Variants in ASH1L observed in about 807,000 individuals in gnomAD.
The protein encoded by ASH1L is histone-lysine N-methyltransferase ASH1L.
ASH1L carries 23 observed loss-of-function variants against 269.0 expected under a neutral mutation model. The ratio of observed to expected loss-of-function variants is 0.09; its 90% confidence interval spans 0.06 to 0.12. ASH1L has a LOEUF of 0.12. ASH1L is among the 10% of genes least tolerant of loss of function. The pLI is 1.00. For synonymous variants in ASH1L, 1,187 were observed against 1,253.5 expected (o/e 0.95, Z 1.12); for missense variants, 2,912 against 3,567.8 (o/e 0.82, Z 4.68).
At chr1:155,558,859 T>G (rs1378579837) in intron 1 of ASH1L, among the ~76,000 whole-genome samples, 1 of 151,074 alleles carries the variant, frequency 6.6e-6, no homozygotes, top group Admixed American at 6.6e-5. Context: ...TTCTTTTTTT[T>G]TTTTTTTTGA....
At chr1:155,417,200 G>A (rs1030079843) in intron 5 of ASH1L, among the ~76,000 whole-genome samples, 1 of 151,764 alleles carries the variant, frequency 6.6e-6, no homozygotes. Flanking sequence ...TTCCCAAAGG[G>A]TTGGGATTAC....
At chr1:155,406,272 T>C (rs113227727) in intron 6 of ASH1L, among the ~76,000 whole-genome samples, 3 of 151,332 alleles carry the variant, frequency 2.0e-5, no homozygotes, top group Non-Finnish European at 2.9e-5. Flanking sequence ...AGATTCCAGT[T>C]GCATTTTTTG....
intron 2 of ASH1L, among the ~76,000 whole-genome samples, chr1:155,511,631 G>A (rs185785371): frequency 6.6e-6 from 1 of 152,022 alleles, no homozygotes; most frequent in Admixed American, 6.6e-5. Flanking sequence ...TCAGCCTCCT[G>A]AGTCACTGGG....
intron 27 of ASH1L, 79 bp from the exon 28 acceptor site, chr1:155,337,830 C>T (rs1209256440): frequency 2.2e-6 from 3 of 1,354,574 alleles, no homozygotes; most frequent in Middle Eastern, 1.8e-4. Flanking sequence ...AAGGAGAGCA[C>T]ACGAACTCAA....
chr1:155,444,088 A>T (rs2148635607), intron 4 of ASH1L, among the ~76,000 whole-genome samples: 1 of 144,114 alleles, frequency 6.9e-6, no homozygotes, highest in East Asian at 2.1e-4. Context: ...GGTTCAAGTG[A>T]TTCTCCTGCC....
At chr1:155,431,201 T>C (rs983281448) in intron 5 of ASH1L, among the ~76,000 whole-genome samples, 4 of 151,444 alleles carry the variant, frequency 2.6e-5, no homozygotes, top group Non-Finnish European at 5.9e-5. Context: ...CAAGATGCCG[T>C]CTCAACAACA....
In ASH1L at chr1:155,482,192, G is replaced by C. The variant is rs1666006983; in HGVS notation, c.678C>G (p.Thr226=). The change falls in exon 3 of 28, where the codon ACC becomes ACG. Residue 226 remains threonine (T), a synonymous_variant. Transcript: ENST00000392403. ...VTEKLAQLIA[T]CPPSKSSKTK... ...TCTTGGAAGACTTGGAAGGAGGACAGGTAGCAATCAGCTGTGCCAACTTTT... is the reference window on the plus strand; with the variant it reads ...TCTTGGAAGACTTGGAAGGAGGACACGTAGCAATCAGCTGTGCCAACTTTT... 2 of 1,614,192 alleles carry C rather than the reference G, an allele frequency of 1.2e-6. No individual in the cohort carries two copies. The highest frequency in any genetic ancestry group is 1.3e-5 in the African/African-American group (1 of 75,064).
At chr1:155,421,612 A>T (rs1490050492) in intron 5 of ASH1L, among the ~76,000 whole-genome samples, 1 of 151,642 alleles carries the variant, frequency 6.6e-6, no homozygotes, top group Non-Finnish European at 1.5e-5. Flanking sequence ...CAGAGGTTGC[A>T]GTGAGCCGAG....
chr1:155,442,583 C>CAAAAA (rs1205815203), intron 4 of ASH1L, among the ~76,000 whole-genome samples: 1 of 33,660 alleles, frequency 3.0e-5, no homozygotes, highest in Admixed American at 3.1e-4. Context: ...GACTCCATCT[C>CAAAAA]AAAAAAAAAA....
At chr1:155,381,571 A>C (rs1032410014) in intron 7 of ASH1L, among the ~76,000 whole-genome samples, 7 of 150,256 alleles carry the variant, frequency 4.7e-5, no homozygotes, top group African/African-American at 1.7e-4. Flanking sequence ...AAAATCAAAC[A>C]AACAAAAAAA....
chr1:155,445,029 G>A (rs950511809), intron 4 of ASH1L, among the ~76,000 whole-genome samples: 5 of 151,884 alleles, frequency 3.3e-5, no homozygotes, highest in African/African-American at 7.3e-5. Flanking sequence ...TATTATTTCC[G>A]AAATTTCATA....
rs114675557 is a variant in ASH1L at position 155,548,189 on chromosome 1, G to A, written c.-100+13964C>T. On this transcript the variant is annotated intron_variant, in intron 1 of 27. Coordinates refer to ENST00000392403, the MANE Select transcript of ASH1L (RefSeq NM_018489.3). ...GTGGGTTGGGGGGCAAGGGGAGGGA[G>A]AACCTGAGGACGAGTAACTAACGCA... 9.7e-3 allele frequency among the ~76,000 whole-genome samples: 1,472 copies of A among 152,238 alleles called. 25 individuals are homozygous for A. Among genetic ancestry groups the A allele is most frequent in the African/African-American group, 0.032 (1,341 of 41,534 alleles).
intron 7 of ASH1L, among the ~76,000 whole-genome samples, chr1:155,389,261 G>A (rs1657704561): frequency 6.6e-6 from 1 of 152,024 alleles, no homozygotes; most frequent in Non-Finnish European, 1.5e-5. Flanking sequence ...GCCTCCCAAA[G>A]TGTTGGGATT....
chr1:155,374,583 G>A (rs1197191732), intron 10 of ASH1L, among the ~76,000 whole-genome samples: 21 of 152,202 alleles, frequency 1.4e-4, no homozygotes, highest in Admixed American at 1.2e-3. Flanking sequence ...TTACTCTTCC[G>A]TTTGCTGACT....
Position 155,562,334 on chromosome 1 carries a change from G to A in ASH1L, c.-281C>T, listed in dbSNP as rs1179074348. On this transcript the variant is annotated 5_prime_UTR_variant, in exon 1 of 28. Coordinates refer to ENST00000392403, the MANE Select transcript of ASH1L (RefSeq NM_018489.3). ...GAGAGAGGAGAAGGGAAAGGTGGAA[G>A]GCTAAAGGGGGCAAACTGAGGGGAG... 2.6e-6 allele frequency: 4 copies of A among 1,560,026 alleles called. No individual in the cohort carries two copies. Among genetic ancestry groups the A allele is most frequent in the South Asian group, 2.3e-5 (2 of 88,480 alleles).
Position 155,343,798 on chromosome 1 carries a change from T to C in ASH1L, c.7982-56A>G. On this transcript the variant is annotated intron_variant, in intron 22 of 27. Transcript: ENST00000392403. The surrounding 1 kb of genome is among the most constrained non-coding windows in gnomAD (Gnocchi z 6.1). ...AAAACAATTCTTGTATGAATTCTGTTAGGCATCTGTTTATCTGACTCAGGG... is the reference window on the plus strand; with the variant it reads ...AAAACAATTCTTGTATGAATTCTGTCAGGCATCTGTTTATCTGACTCAGGG... The C allele has an allele frequency of 6.3e-7, 1 of 1,593,242 alleles. No homozygotes were observed. Among genetic ancestry groups the C allele is most frequent in the Non-Finnish European group, 8.6e-7 (1 of 1,167,128 alleles).
intron 1 of ASH1L, among the ~76,000 whole-genome samples, chr1:155,528,556 A>G (rs1394120753): frequency 6.6e-6 from 1 of 152,076 alleles, no homozygotes; most frequent in Non-Finnish European, 1.5e-5. Context: ...GGAAGACCCA[A>G]TGTTTTCATT....
intron 4 of ASH1L, among the ~76,000 whole-genome samples, chr1:155,440,946 C>T (rs1223007564): frequency 5.9e-5 from 9 of 152,254 alleles, no homozygotes; most frequent in South Asian, 2.1e-4. Context: ...TGTGGCAGGA[C>T]GTTGGTTATC....
chr1:155,438,249 A>G, intron 5 of ASH1L, 78 bp downstream of exon 5: 2 of 1,387,778 alleles, frequency 1.4e-6, no homozygotes, highest in Non-Finnish European at 1.9e-6. Flanking sequence ...AAGATGAAAT[A>G]ATTCAGCTAT....
Sources: gnomAD v4.1 joint callset for allele counts (sites outside exome capture counted in the v4.1 genomes callset) on GRCh38, gnomAD v4.1.1 for gene constraint, Gnocchi (gnomAD v3.1) non-coding constraint, MANE v1.5 for transcripts, NCBI Gene and HGNC (gene_info 2026-07-23, HGNC 2026-07-21) for gene names.